Variants in ZNF668 observed in about 807,000 individuals in gnomAD.
The protein encoded by ZNF668 is zinc finger protein 668.
A neutral mutation model predicts 40.3 loss-of-function variants in ZNF668; 10 were observed. That is an observed-to-expected ratio of 0.25 (90% confidence interval 0.15 to 0.42). The LOEUF is 0.42. Ranked by LOEUF, ZNF668 falls within the 10% of genes least tolerant of loss-of-function variation. The pLI, the probability that ZNF668 is intolerant of heterozygous loss-of-function variation, is 1.00. For missense variants in ZNF668, 749 were observed against 904.6 expected, an observed-to-expected ratio of 0.83 and a Z score of 2.21; for synonymous variants, 428 against 384.6, an observed-to-expected ratio of 1.11 and a Z score of -1.32.
intron 1 of ZNF668, chr16:31,065,080 C>G (rs2056971549): frequency 5.8e-6 from 6 of 1,032,654 alleles, no homozygotes; most frequent in Non-Finnish European, 7.0e-6. Flanking sequence ...CCGCCCCAGA[C>G]TGGAATCTGT....
Position 31,061,393 on chromosome 16 carries a change from T to A in ZNF668, c.1535A>T (p.Lys512Met). 1 of 1,613,746 alleles carries A rather than the reference T, an allele frequency of 6.2e-7. No individual in the cohort carries two copies. The highest frequency in any genetic ancestry group is 8.5e-7 in the Non-Finnish European group (1 of 1,179,846). Residue 512 changes from lysine (K) to methionine (M), a missense_variant, in exon 3 of 3, where the codon AAG (lysine) becomes ATG (methionine). Physicochemically the swap from Lys to Met is moderately conservative, Grantham distance 95 (BLOSUM62 -1). Coordinates refer to ENST00000300849, the MANE Select transcript of ZNF668 (RefSeq NM_024706.5). This position sits in a 1 kb window ranked among gnomAD's most constrained non-coding sequence, Gnocchi z 7.7. ...CTCTCGGCACACAAACTGGGGGGGC[T>A]TCTCGTCAGCCTCCTCACCCCCCGC... ...GEAGGEEADEKPPQFVCRECK... is the reference protein window; with the variant it reads ...GEAGGEEADEMPPQFVCRECK...
At chr16:31,073,556 C>T (rs1252103677) in intron 1 of ZNF668, 103 bp downstream of exon 1, 11 of 152,134 alleles carry the variant, frequency 7.2e-5, no homozygotes, top group Admixed American at 7.2e-4. Context: ...GCTGGGCCAA[C>T]CCGGCCCGCC....
chr16:31,071,436 G>A (rs1192146060), intron 1 of ZNF668, among the ~76,000 whole-genome samples: 2 of 152,026 alleles, frequency 1.3e-5, no homozygotes, highest in East Asian at 3.9e-4. Context: ...CAAAGTGCTG[G>A]GATTACAGGC....
At chr16:31,068,059 C>T (rs989802748) in intron 1 of ZNF668, among the ~76,000 whole-genome samples, 17 of 151,210 alleles carry the variant, frequency 1.1e-4, no homozygotes, top group Admixed American at 2.0e-4. Context: ...GGGTCTCAGC[C>T]TTCCTATCTG....
At chr16:31,062,414 C>T in intron 2 of ZNF668, 134 bp from the exon 3 acceptor site, 1 of 1,281,372 alleles carries the variant, frequency 7.8e-7, no homozygotes, top group Non-Finnish European at 1.0e-6. Flanking sequence ...AGCCACATGG[C>T]TGCACCCCAG....
Position 31,060,970 on chromosome 16 carries a change from G to C in ZNF668, c.*98C>G. The C allele has an allele frequency of 7.4e-7, 1 of 1,343,268 alleles. No homozygotes were observed. Among genetic ancestry groups the C allele is most frequent in the Non-Finnish European group, 9.7e-7 (1 of 1,031,326 alleles). 83.2% of individuals were successfully genotyped at this position (1,343,268 alleles called of 1,614,324 possible). Reference sequence around the variant, plus strand: ...GGGGAGCTAGTTGCTGAGGGGTAGGGATCTGGAGTCTAAAGAGCAGAGCCA... The same window carrying C: ...GGGGAGCTAGTTGCTGAGGGGTAGGCATCTGGAGTCTAAAGAGCAGAGCCA... On this transcript the variant is annotated 3_prime_UTR_variant, in exon 3 of 3. Transcript: ENST00000300849.
At position 31,063,854 on chromosome 16, in the gene ZNF668, G is replaced by A. The variant is rs2303223; in HGVS notation, c.606C>T (p.Gly202=). 0.37 allele frequency: 592,038 copies of A among 1,587,950 alleles called. 122,776 individuals are homozygous for A. The highest frequency in any genetic ancestry group is 0.9 in the East Asian group (39,113 of 43,372). The change falls in exon 2 of 3, where the codon GGC becomes GGT. Residue 202 remains glycine, a synonymous_variant. Transcript: ENST00000300849. ...GLRPYSCERC[G]KAYAELKDLR... The stretch of plus-strand genomic sequence containing the variant: ...GGTCCTTGAGCTCCGCATAGGCTTT[G>A]CCGCAACGCTCACAGCTGTAGGGCC...
intron 1 of ZNF668, among the ~76,000 whole-genome samples, chr16:31,070,170 G>C (rs376059649): frequency 6.7e-6 from 1 of 150,136 alleles, no homozygotes; most frequent in Admixed American, 6.6e-5. Context: ...CGCCCGCCTC[G>C]GCCTCCCAGA....
Position 31,061,729 on chromosome 16 carries a change from G to C in ZNF668, c.1199C>G (p.Ser400Cys), listed in dbSNP as rs2056927411. The C allele has an allele frequency of 1.2e-6, 2 of 1,613,546 alleles. No individual in the cohort carries two copies. Among genetic ancestry groups the C allele is most frequent in the Non-Finnish European group, 1.7e-6 (2 of 1,179,922 alleles). ...RPFHCNACGK[S>C]FVVSSSLRKH... ...CCTCAGGCTCGACGACACCACAAAGGATTTCCCACATGCGTTACAGTGGAA... is the reference window on the plus strand; with the variant it reads ...CCTCAGGCTCGACGACACCACAAAGCATTTCCCACATGCGTTACAGTGGAA... Residue 400 changes from serine (S) to cysteine (C), a missense_variant, in exon 3 of 3, where the codon TCC becomes TGC. Coordinates refer to ENST00000300849, the MANE Select transcript of ZNF668 (RefSeq NM_024706.5). This position sits in a 1 kb window ranked among gnomAD's most constrained non-coding sequence, Gnocchi z 7.7.
chr16:31,066,707 C>T (rs541472276), intron 1 of ZNF668, among the ~76,000 whole-genome samples: 2 of 150,476 alleles, frequency 1.3e-5, no homozygotes, highest in South Asian at 4.2e-4. Flanking sequence ...CTGTCTCAAT[C>T]AATCAATCAA....
chr16:31,065,970 AG>A (rs1288025698), intron 1 of ZNF668: 29 of 964,468 alleles, frequency 3.0e-5, no homozygotes, highest in Non-Finnish European at 2.8e-5. Flanking sequence ...CGAGGGTGCT[AG>A]GGGAAATACA....
intron 1 of ZNF668, among the ~76,000 whole-genome samples, chr16:31,069,857 C>T (rs888311378): frequency 2.3e-5 from 3 of 130,016 alleles, no homozygotes; most frequent in Non-Finnish European, 3.2e-5. Context: ...TCACTGCAAG[C>T]TCCGCCTCCC....
At position 31,061,278 on chromosome 16, in the gene ZNF668, G is replaced by C; in HGVS notation, c.1650C>G (p.Gly550=). Residue 550 remains glycine, a synonymous_variant, in exon 3 of 3, where the codon GGC becomes GGG. Transcript: ENST00000300849. This position sits in a 1 kb window ranked among gnomAD's most constrained non-coding sequence, Gnocchi z 7.7. ...GCCCAGCCCGGTCAGAGAAGCTCTT[G>C]CCGCACTGGGTGCAGGGGAAGGGCC... The part of the protein sequence containing the change: ...ELRPFPCTQC[G]KSFSDRAGLR... 6.4e-7 allele frequency: 1 copy of C among 1,557,772 alleles called. No homozygotes were observed. The highest frequency in any genetic ancestry group is 8.7e-7 in the Non-Finnish European group (1 of 1,151,842).
chr16:31,071,105 C>T (rs1002233753), intron 1 of ZNF668, among the ~76,000 whole-genome samples: 2 of 152,078 alleles, frequency 1.3e-5, no homozygotes, highest in African/African-American at 2.4e-5. Flanking sequence ...ATCCACCCAC[C>T]TTGGCCTCCC....
In ZNF668 at chr16:31,064,290, T is replaced by G. The variant is rs757290835; in HGVS notation, c.170A>C (p.Lys57Thr). The change falls in exon 2 of 3, where the codon AAG becomes ACG. Residue 57 changes from lysine (K) to threonine (T), a missense_variant. By Grantham distance (78) the Lys-to-Thr change is moderately conservative. Transcript: ENST00000300849. ...CTTAGCTTCTGTCTCTGGCTTTGGC[T>G]TCACCTCGGCCACCTCTTCAGAGCA... ...ADCSEEVAEV[K>T]PKPETEAKAE... 1 of 1,613,846 alleles carries G rather than the reference T, an allele frequency of 6.2e-7. No individual in the cohort carries two copies. Among genetic ancestry groups the G allele is most frequent in the African/African-American group, 1.3e-5 (1 of 75,084 alleles).
rs1319419476 is a variant in ZNF668 at position 31,061,373 on chromosome 16, G to A, written c.1555C>T (p.Arg519Ter). ...GTGGAGAAGGTCTCCTTGCACTCTC[G>A]GCACACAAACTGGGGGGGCTTCTCG... The part of the protein sequence containing the change: ...ADEKPPQFVC[R>*]ECKETFSTMT... Residue 519 changes from arginine to a stop codon, truncating the protein, a stop_gained, in exon 3 of 3, where the codon CGA becomes TGA. Coordinates refer to ENST00000300849, the MANE Select transcript of ZNF668 (RefSeq NM_024706.5). LOFTEE classifies it high-confidence loss of function. This position sits in a 1 kb window ranked among gnomAD's most constrained non-coding sequence, Gnocchi z 7.7. The A allele has an allele frequency of 1.9e-6, 3 of 1,613,474 alleles. No homozygotes were observed. Among genetic ancestry groups the A allele is most frequent in the African/African-American group, 2.7e-5 (2 of 74,894 alleles).
At position 31,063,945 on chromosome 16, in the gene ZNF668, T is replaced by C; in HGVS notation, c.515A>G (p.Asp172Gly). Reference protein sequence around the residue: ...HTGERPYACADCGKSFADPSV... With the variant: ...HTGERPYACAGCGKSFADPSV... ...AGGGTCAGCAAAGCTCTTGCCGCAG[T>C]CGGCGCAGGCGTAAGGCCGCTCGCC... The change falls in exon 2 of 3, where the codon GAC becomes GGC. Residue 172 changes from aspartate to glycine, a missense_variant. Coordinates refer to ENST00000300849, the MANE Select transcript of ZNF668 (RefSeq NM_024706.5). 1 of 1,604,548 alleles carries C rather than the reference T, an allele frequency of 6.2e-7. No individual in the cohort carries two copies.
Position 31,062,294 on chromosome 16 carries a change from G to A in ZNF668, c.648-14C>T, listed in dbSNP as rs375588590. On this transcript the variant is annotated splice_polypyrimidine_tract_variant and intron_variant, in intron 2 of 2. Coordinates refer to ENST00000300849, the MANE Select transcript of ZNF668 (RefSeq NM_024706.5). ...CCGGTGTGGGACCTGCGGGGGTGTG[G>A]AGGACTTGGCATGAAGGCGACAGAC... The A allele has an allele frequency of 6.3e-7, 1 of 1,581,974 alleles. No individual in the cohort carries two copies. Among genetic ancestry groups the A allele is most frequent in the East Asian group, 2.2e-5 (1 of 44,562 alleles).
rs1339905512 is a variant in ZNF668 at position 31,060,946 on chromosome 16, G to A, written c.*122C>T. 34 of 1,223,416 alleles carry A rather than the reference G, an allele frequency of 2.8e-5. No homozygotes were observed. Among genetic ancestry groups the A allele is most frequent in the East Asian group, 1.1e-4 (4 of 36,292 alleles). The allele number at this position is 1,223,416 out of a possible 1,614,324, so 75.8% of individuals were successfully genotyped here. A position where few individuals can be genotyped will look rare whatever the true frequency, so the allele number is the denominator to read the frequency against. On this transcript the variant is annotated 3_prime_UTR_variant, in exon 3 of 3. Transcript: ENST00000300849. ...CCCAGCTCTCTTAGCTGGCCGACAG[G>A]GGAGCTAGTTGCTGAGGGGTAGGGA...
Sources: gnomAD v4.1 joint callset for allele counts (sites outside exome capture counted in the v4.1 genomes callset) on GRCh38, gnomAD v4.1.1 for gene constraint, Gnocchi (gnomAD v3.1) non-coding constraint, MANE v1.5 for transcripts, NCBI Gene and HGNC (gene_info 2026-07-23, HGNC 2026-07-21) for gene names.